Variants in ZC3H12B observed in about 807,000 individuals in gnomAD.
The protein encoded by ZC3H12B is probable ribonuclease ZC3H12B.
In ZC3H12B, 7 loss-of-function variants were observed where a neutral mutation model predicts 43.9. The observed-to-expected ratio is 0.16, with a 90% CI of 0.09 to 0.30. ZC3H12B has a LOEUF of 0.30. Among genes scored for constraint, ZC3H12B ranks in the 10% least tolerant of loss-of-function variants. The pLI is 1.00. For synonymous variants in ZC3H12B, 222 were observed against 241.7 expected, an observed-to-expected ratio of 0.92 and a Z score of 0.76; for missense variants, 475 against 670.2, an observed-to-expected ratio of 0.71 and a Z score of 3.22.
chrX:65,191,427 C>T, the ZC3H12B span, among the ~76,000 whole-genome samples: 1 of 98,560 alleles, frequency 1.0e-5, no homozygotes, highest in Non-Finnish European at 2.0e-5. Context: ...TCCATCTGGT[C>T]CTGGACTCTT....
the ZC3H12B span, among the ~76,000 whole-genome samples, chrX:65,347,053 C>T: frequency 8.9e-6 from 1 of 112,169 alleles, no homozygotes; most frequent in Non-Finnish European, 1.9e-5. Flanking sequence ...TACAGGAGAG[C>T]TCTGGCTGGC....
At chrX:65,318,284 G>A in the ZC3H12B span, among the ~76,000 whole-genome samples, 1 of 108,716 alleles carries the variant, frequency 9.2e-6, no homozygotes, top group South Asian at 4.0e-4. Flanking sequence ...TCGTGATGTT[G>A]AGCACTTTTT....
the ZC3H12B span, among the ~76,000 whole-genome samples, chrX:65,099,419 G>A: frequency 1.1e-4 from 12 of 111,567 alleles, no homozygotes; most frequent in African/African-American, 2.6e-4. Context: ...CCTGACCACC[G>A]TACCTCCTGA....
chrX:65,118,239 G>A, the ZC3H12B span, among the ~76,000 whole-genome samples: 1 of 111,553 alleles, frequency 9.0e-6, no homozygotes, highest in Non-Finnish European at 1.9e-5. Context: ...TGATTTCCTT[G>A]AGCAGTGGTT....
chrX:65,446,011 C>A (rs2067370880), intron 3 of ZC3H12B, among the ~76,000 whole-genome samples: 1 of 111,240 alleles, frequency 9.0e-6, no homozygotes, highest in Admixed American at 9.6e-5. Context: ...GTGAGTACTG[C>A]CTGGCTACTG....
the ZC3H12B span, among the ~76,000 whole-genome samples, chrX:65,072,106 C>T: frequency 8.9e-6 from 1 of 111,852 alleles, no homozygotes; most frequent in Non-Finnish European, 1.9e-5. Context: ...GATTTGGTCT[C>T]TTTACGTAAT....
the ZC3H12B span, among the ~76,000 whole-genome samples, chrX:65,248,966 G>A: frequency 9.0e-6 from 1 of 111,553 alleles, no homozygotes; most frequent in Non-Finnish European, 1.9e-5. Context: ...TTTCATTGTA[G>A]ATTCTGGATA....
chrX:65,097,834 A>G, the ZC3H12B span, among the ~76,000 whole-genome samples: 2 of 111,714 alleles, frequency 1.8e-5, no homozygotes, highest in Admixed American at 9.5e-5. Context: ...TTGTATTGTT[A>G]TTAGCATCTT....
At chrX:65,374,055 C>T (rs1354056229) in intron 2 of ZC3H12B, among the ~76,000 whole-genome samples, 1 of 53,488 alleles carries the variant, frequency 1.9e-5, no homozygotes, top group Non-Finnish European at 3.1e-5. Flanking sequence ...GTATATATAA[C>T]TATATATATA....
intron 3 of ZC3H12B, 190 bp downstream of exon 8, chrX:65,499,423 A>G (rs894858834): frequency 1.2e-4 from 49 of 400,990 alleles, no homozygotes; most frequent in African/African-American, 1.1e-3. Flanking sequence ...AGAGACAACC[A>G]CAATGTTTTG....
At chrX:65,214,999 G>T in the ZC3H12B span, among the ~76,000 whole-genome samples, 1 of 111,540 alleles carries the variant, frequency 9.0e-6, no homozygotes, top group Non-Finnish European at 1.9e-5. Flanking sequence ...CATTGTCAAT[G>T]AGCAGTAATA....
chrX:65,277,243 A>G, the ZC3H12B span, among the ~76,000 whole-genome samples: 1 of 111,994 alleles, frequency 8.9e-6, no homozygotes, highest in African/African-American at 3.2e-5. Context: ...CTAAAGAGAG[A>G]GATAGACTGT....
At chrX:65,358,259 A>T in the ZC3H12B span, among the ~76,000 whole-genome samples, 5 of 111,306 alleles carry the variant, frequency 4.5e-5, no homozygotes, top group Non-Finnish European at 9.4e-5. Context: ...AGACTTTAAC[A>T]CTGCACTGTC....
chrX:65,287,989 CAT>C, the ZC3H12B span, among the ~76,000 whole-genome samples: 98 of 90,235 alleles, frequency 1.1e-3, no homozygotes, highest in East Asian at 1.5e-3. Flanking sequence ...ATTTTATATA[CAT>C]ATATATATAT....
the ZC3H12B span, among the ~76,000 whole-genome samples, chrX:65,103,759 G>A: frequency 9.0e-5 from 10 of 111,443 alleles, no homozygotes; most frequent in South Asian, 3.8e-4. Context: ...AACACTCAAC[G>A]AAATAAGAGA....
At chrX:65,196,702 C>A in the ZC3H12B span, among the ~76,000 whole-genome samples, 1 of 111,025 alleles carries the variant, frequency 9.0e-6, no homozygotes, top group Admixed American at 9.6e-5. Context: ...GCCCTAGCTC[C>A]GTTACACACA....
At chrX:65,186,093 G>C in the ZC3H12B span, 2 of 111,597 alleles carry the variant, frequency 1.8e-5, no homozygotes, top group Non-Finnish European at 3.8e-5. Flanking sequence ...CTGACACCTT[G>C]GGTAGCTTGG....
chrX:65,266,081 TA>T, the ZC3H12B span, among the ~76,000 whole-genome samples: 1 of 111,223 alleles, frequency 9.0e-6, no homozygotes, highest in Admixed American at 9.6e-5. Flanking sequence ...AGGCCATAAC[TA>T]TAGAGAGAAA....
chrX:65,304,548 G>A, the ZC3H12B span, among the ~76,000 whole-genome samples: 72 of 108,331 alleles, frequency 6.6e-4, no homozygotes, highest in African/African-American at 2.2e-3. Context: ...CCCGGGAGGC[G>A]GAGCTTGCAG....
Sources: gnomAD v4.1 joint callset for allele counts (sites outside exome capture counted in the v4.1 genomes callset) on GRCh38, gnomAD v4.1.1 for gene constraint, MANE v1.5 for transcripts, NCBI Gene and HGNC (gene_info 2026-07-23, HGNC 2026-07-21) for gene names.